Variants in GABBR2 observed in about 807,000 individuals in gnomAD.
GABBR2 encodes G-protein coupled receptor 51.
GABBR2 carries 23 observed loss-of-function variants against 105.6 expected under a neutral mutation model. That is an observed-to-expected ratio of 0.22 (90% CI 0.16 to 0.31). The LOEUF (loss-of-function observed/expected upper bound fraction) is 0.31. GABBR2 is among the 10% of genes least tolerant of loss of function. GABBR2 has a pLI of 1.00. For missense variants in GABBR2, 734 were observed against 1,245.5 expected (o/e 0.59, Z 6.18); for synonymous variants, 478 against 499.7 (o/e 0.96, Z 0.58).
intron 3 of GABBR2, chr9:98,516,285 T>C (rs1827756018): frequency 6.6e-6 from 1 of 152,230 alleles, no homozygotes; most frequent in Admixed American, 6.5e-5. Context: ...CCCCAAGGTC[T>C]GCAAAGGGAG....
chr9:98,511,612 G>T (rs1199517455), intron 3 of GABBR2, among the ~76,000 whole-genome samples: 1 of 152,136 alleles, frequency 6.6e-6, no homozygotes, highest in South Asian at 2.1e-4. Context: ...ACTACCATCA[G>T]AGAATACTAT....
At chr9:98,523,030 G>C (rs1413265502) in intron 3 of GABBR2, among the ~76,000 whole-genome samples, 7 of 152,110 alleles carry the variant, frequency 4.6e-5, no homozygotes, top group Admixed American at 3.3e-4. Flanking sequence ...TAAACTTAAA[G>C]TACAATTGTA....
intron 11 of GABBR2, among the ~76,000 whole-genome samples, chr9:98,383,711 G>A (rs1832020128): frequency 6.6e-6 from 1 of 152,212 alleles, no homozygotes; most frequent in African/African-American, 2.4e-5. Context: ...ACTGGTAACA[G>A]GAACAATTTC....
chr9:98,333,917 C>G (rs549358604), intron 13 of GABBR2, among the ~76,000 whole-genome samples: 4 of 152,318 alleles, frequency 2.6e-5, no homozygotes, highest in Non-Finnish European at 5.9e-5. Context: ...GTTTCCTCAT[C>G]TGTAGACTGG....
At position 98,646,197 on chromosome 9, in the gene GABBR2, A is replaced by G. The variant is rs556122964; in HGVS notation, c.321+62220T>C. Among the ~76,000 whole-genome samples the G allele has an allele frequency of 5.3e-5, 8 of 152,316 alleles. No homozygotes were observed. In the East Asian group the frequency reaches 1.5e-3, roughly 29 times the overall value. On this transcript the variant is annotated intron_variant, in intron 1 of 18. Coordinates refer to ENST00000259455, the MANE Select transcript of GABBR2 (RefSeq NM_005458.8). ...CTGATAAGAATGGCTCACTGGGCCT[A>G]AATTGTTTGTGCAGACAATATGGTT...
At chr9:98,448,277 C>T (rs747034810) in intron 7 of GABBR2, among the ~76,000 whole-genome samples, 11 of 151,768 alleles carry the variant, frequency 7.2e-5, no homozygotes, top group Non-Finnish European at 1.3e-4. Context: ...TCTCATAATC[C>T]GAGACATTCC....
chr9:98,289,991 G>A lies in GABBR2; in HGVS notation c.*593C>T, dbSNP rs1364218780. The A allele has an allele frequency of 6.6e-6, 1 of 152,396 alleles. No homozygotes were observed. The highest frequency in any genetic ancestry group is 2.4e-5 in the African/African-American group (1 of 41,478). 9.4% of individuals were successfully genotyped at this position (152,396 alleles called of 1,614,324 possible). Reference sequence around the variant, plus strand: ...TAAGTCAGCCTGCTCCAGTGCCGCAGCCCTCGGCCTGCCTGCTCCAGGGCT... The same window carrying A: ...TAAGTCAGCCTGCTCCAGTGCCGCAACCCTCGGCCTGCCTGCTCCAGGGCT... On this transcript the variant is annotated 3_prime_UTR_variant, in exon 19 of 19. Transcript: ENST00000259455.
At chr9:98,349,343 AGTTTTGTTTTTTTTTTT>A (rs1564026871) in intron 13 of GABBR2, among the ~76,000 whole-genome samples, 1 of 35,552 alleles carries the variant, frequency 2.8e-5, no homozygotes, top group East Asian at 5.7e-4. Flanking sequence ...ATTTTGTTGA[AGTTTTGTTTTTTTTTTT>A]TTTTTTTTTT....
chr9:98,360,031 G>A (rs1274226315), intron 13 of GABBR2, among the ~76,000 whole-genome samples: 1 of 152,162 alleles, frequency 6.6e-6, no homozygotes, highest in East Asian at 1.9e-4. Context: ...AGGCTAGGAC[G>A]CGTACCATAT....
chr9:98,614,278 C>T (rs1380384299), intron 1 of GABBR2, among the ~76,000 whole-genome samples: 1 of 152,292 alleles, frequency 6.6e-6, no homozygotes, highest in African/African-American at 2.4e-5. Flanking sequence ...AATCCCAGCA[C>T]TTTGGGAGGC....
At chr9:98,496,304 A>G in intron 4 of GABBR2, 109 bp downstream of exon 4, 2 of 728,972 alleles carry the variant, frequency 2.7e-6, no homozygotes, top group Middle Eastern at 2.8e-4. Context: ...CAAGGTGGAA[A>G]TGAACTTGAG....
At chr9:98,706,033 G>A (rs527361825) in intron 1 of GABBR2, among the ~76,000 whole-genome samples, 3 of 150,810 alleles carry the variant, frequency 2.0e-5, no homozygotes, top group East Asian at 2.0e-4. Context: ...CCAAGATCAC[G>A]CCAATGCACT....
chr9:98,358,688 G>A (rs1310785963), intron 13 of GABBR2, among the ~76,000 whole-genome samples: 1 of 152,234 alleles, frequency 6.6e-6, no homozygotes, highest in Non-Finnish European at 1.5e-5. Context: ...TTTGGGGCAT[G>A]AGGAGGCTGT....
intron 1 of GABBR2, among the ~76,000 whole-genome samples, chr9:98,599,621 G>A (rs1325749228): frequency 6.6e-6 from 1 of 152,250 alleles, no homozygotes; most frequent in Non-Finnish European, 1.5e-5. Context: ...GTCCTACGGA[G>A]CATGTGGCCC....
At chr9:98,571,170 C>T (rs909891457) in intron 2 of GABBR2, among the ~76,000 whole-genome samples, 1 of 152,128 alleles carries the variant, frequency 6.6e-6, no homozygotes, top group Admixed American at 6.5e-5. Flanking sequence ...CAAGCTGCAC[C>T]AGGAAGAATG....
chr9:98,666,936 G>A (rs1830342682), intron 1 of GABBR2, among the ~76,000 whole-genome samples: 1 of 152,170 alleles, frequency 6.6e-6, no homozygotes, highest in Non-Finnish European at 1.5e-5. Flanking sequence ...CTTAGGTGAT[G>A]GGGGCCTGGA....
At chr9:98,345,628 A>C (rs1314663499) in intron 13 of GABBR2, among the ~76,000 whole-genome samples, 1 of 151,230 alleles carries the variant, frequency 6.6e-6, no homozygotes, top group Non-Finnish European at 1.5e-5. Flanking sequence ...AAAGGAAATA[A>C]GAAGTATACA....
chr9:98,337,262 A>T (rs4743206), intron 13 of GABBR2, among the ~76,000 whole-genome samples: 4 of 151,826 alleles, frequency 2.6e-5, no homozygotes, highest in Admixed American at 2.0e-4. Context: ...CCAAGATTGC[A>T]CCAATGCACT....
intron 7 of GABBR2, among the ~76,000 whole-genome samples, chr9:98,446,422 G>A (rs1225382530): frequency 6.6e-6 from 1 of 152,190 alleles, no homozygotes; most frequent in Non-Finnish European, 1.5e-5. Context: ...AGGTCACACA[G>A]CTCTAAGAGA....
Sources: gnomAD v4.1 joint callset for allele counts (sites outside exome capture counted in the v4.1 genomes callset) on GRCh38, gnomAD v4.1.1 for gene constraint, MANE v1.5 for transcripts, NCBI Gene and HGNC (gene_info 2026-07-23, HGNC 2026-07-21) for gene names.